Variants in RABGEF1 observed in about 807,000 individuals in gnomAD.
RABGEF1 encodes rab5 GDP/GTP exchange factor.
Under a neutral mutation model 57.3 loss-of-function variants are expected in RABGEF1, and 26 were observed. The observed-to-expected ratio is 0.45, with a 90% CI of 0.33 to 0.63. RABGEF1 has a LOEUF of 0.63. Ranked by LOEUF, RABGEF1 falls within the 20% of genes least tolerant of loss-of-function variation. The pLI is 0.02. For synonymous variants in RABGEF1, 185 were observed against 210.7 expected, an observed-to-expected ratio of 0.88 and a Z score of 1.06; for missense variants, 464 against 607.6, an observed-to-expected ratio of 0.76 and a Z score of 2.48.
At chr7:66,736,106 C>T (rs76865022), upstream of RABGEF1, among the ~76,000 whole-genome samples, 1,901 of 152,138 alleles carry the variant, frequency 0.012, 38 homozygotes, top group African/African-American at 0.042. Context: ...TGGAAAAAAA[C>T]AAGACAAAAA....
At chr7:66,713,371 G>A (rs1395777517) in intron 2 of RABGEF1, among the ~76,000 whole-genome samples, 2 of 151,524 alleles carry the variant, frequency 1.3e-5, no homozygotes, top group Non-Finnish European at 2.9e-5. Context: ...CTCGTGATCG[G>A]CCCGCCTTGG....
At chr7:66,766,118 A>G (rs1489143070) in intron 1 of RABGEF1, among the ~76,000 whole-genome samples, 12 of 152,142 alleles carry the variant, frequency 7.9e-5, no homozygotes, top group Non-Finnish European at 1.5e-4. Flanking sequence ...GTATAGGCTT[A>G]CTTGAGCTCA....
intron 4 of RABGEF1, among the ~76,000 whole-genome samples, chr7:66,786,174 G>A (rs1177429187): frequency 6.6e-6 from 1 of 152,070 alleles, no homozygotes; most frequent in Non-Finnish European, 1.5e-5. Flanking sequence ...ATATGCCGGT[G>A]GTGAGCAGCC....
At chr7:66,687,634 T>A (rs1790888451) in intron 1 of RABGEF1, among the ~76,000 whole-genome samples, 1 of 152,012 alleles carries the variant, frequency 6.6e-6, no homozygotes, top group Non-Finnish European at 1.5e-5. Flanking sequence ...ATTAAATGAA[T>A]AGGTGGATGA....
chr7:66,670,609 C>T, the RABGEF1 span, among the ~76,000 whole-genome samples: 1 of 151,886 alleles, frequency 6.6e-6, no homozygotes, highest in Non-Finnish European at 1.5e-5. Flanking sequence ...CTTTGGGAGG[C>T]CAAGGCGGGT....
intron 1 of RABGEF1, among the ~76,000 whole-genome samples, chr7:66,694,366 C>T (rs761128325): frequency 6.6e-6 from 1 of 152,104 alleles, no homozygotes; most frequent in African/African-American, 2.4e-5. Flanking sequence ...CAGTGATGGT[C>T]GGGAGAAGAT....
intron 3 of RABGEF1, among the ~76,000 whole-genome samples, chr7:66,781,664 C>T (rs1399551463): frequency 2.0e-5 from 3 of 152,192 alleles, no homozygotes; most frequent in East Asian, 1.9e-4. Flanking sequence ...TACACATGTG[C>T]GGTAGTCAGC....
intron 1 of RABGEF1, among the ~76,000 whole-genome samples, chr7:66,765,194 G>A (rs1286938470): frequency 6.6e-6 from 1 of 150,846 alleles, no homozygotes; most frequent in Non-Finnish European, 1.5e-5. Flanking sequence ...TATAGGAAAG[G>A]GAGTTTCAGA....
rs115418352 is a variant in RABGEF1, at chr7:66,714,019, G to T, written c.-815+1795G>T. 7.3e-3 allele frequency among the ~76,000 whole-genome samples: 1,110 copies of T among 152,264 alleles called. 15 individuals are homozygous for T. The highest frequency in any genetic ancestry group is 0.024 in the African/African-American group (983 of 41,552). ...ATGTTCATAGAGACTATTGGTCTGT[G>T]TAGACTTCTGTTTTTGTACTACCAT... On this transcript the variant is annotated intron_variant and NMD_transcript_variant, in intron 2 of 9. Transcript: ENST00000607882.
intron 2 of RABGEF1, among the ~76,000 whole-genome samples, chr7:66,723,442 A>G (rs1247992163): frequency 1.3e-5 from 2 of 152,248 alleles, no homozygotes; most frequent in African/African-American, 4.8e-5. Context: ...GAATAATATA[A>G]GAACTTTACA....
chr7:66,699,073 T>A (rs1416346922), intron 1 of RABGEF1, among the ~76,000 whole-genome samples: 2 of 152,142 alleles, frequency 1.3e-5, no homozygotes, highest in Non-Finnish European at 2.9e-5. Flanking sequence ...GGGAGATATC[T>A]GGCTGGCCTT....
chr7:66,730,050 T>A (rs1275320789), intron 2 of RABGEF1, among the ~76,000 whole-genome samples: 1 of 152,262 alleles, frequency 6.6e-6, no homozygotes, highest in Non-Finnish European at 1.5e-5. Flanking sequence ...GTGTTTCAGC[T>A]GTGCCATAGA....
the RABGEF1 span, among the ~76,000 whole-genome samples, chr7:66,672,447 A>C: frequency 6.6e-6 from 1 of 152,156 alleles, no homozygotes; most frequent in Non-Finnish European, 1.5e-5. Context: ...AACAAACAAA[A>C]AAACAAAACA....
chr7:66,730,307 G>C (rs755081204), intron 2 of RABGEF1, among the ~76,000 whole-genome samples: 14 of 152,170 alleles, frequency 9.2e-5, no homozygotes, highest in Non-Finnish European at 1.5e-4. Flanking sequence ...TGTTTCTGCT[G>C]AGCGCCAGCT....
At chr7:66,777,791 A>G (rs1361453392) in intron 3 of RABGEF1, among the ~76,000 whole-genome samples, 1 of 152,152 alleles carries the variant, frequency 6.6e-6, no homozygotes, top group Non-Finnish European at 1.5e-5. Flanking sequence ...AGACACCAAC[A>G]TTAAAAAAAT....
intron 3 of RABGEF1, among the ~76,000 whole-genome samples, chr7:66,777,104 A>C (rs947294555): frequency 2.0e-5 from 3 of 152,234 alleles, no homozygotes; most frequent in African/African-American, 7.2e-5. Flanking sequence ...TTAAAATGCA[A>C]GTTATTCTTC....
intron 1 of RABGEF1, among the ~76,000 whole-genome samples, chr7:66,691,551 A>AT (rs1250238318): frequency 6.6e-6 from 1 of 152,154 alleles, no homozygotes; most frequent in African/African-American, 2.4e-5. Context: ...TTGACTTGGG[A>AT]TTTTTTCAAC....
In RABGEF1 at chr7:66,783,123, C is replaced by CTTTGGA. The variant is rs1237022888; in HGVS notation, c.347-550_347-545dup. ...TGTTGTGTTTATCATGCTATTAATA[C>CTTTGGA]TTTGGATGCGTTCTTTCACTTTGAT... is the stretch of plus-strand genomic sequence containing the variant. On this transcript the variant is annotated intron_variant, in intron 3 of 8. Transcript: ENST00000284957. Among the ~76,000 whole-genome samples, 13 of 152,324 alleles carry CTTTGGA rather than the reference C, an allele frequency of 8.5e-5. No individual in the cohort carries two copies. The East Asian group carries it at 2.5e-3, about 29-fold the overall frequency.
intron 2 of RABGEF1, among the ~76,000 whole-genome samples, chr7:66,729,572 T>G (rs1289196319): frequency 6.6e-6 from 1 of 152,006 alleles, no homozygotes; most frequent in Non-Finnish European, 1.5e-5. Flanking sequence ...ACTTCTGCCT[T>G]CACTTCCATC....
Sources: gnomAD v4.1 joint callset for allele counts (sites outside exome capture counted in the v4.1 genomes callset) on GRCh38, gnomAD v4.1.1 for gene constraint, MANE v1.5 for transcripts, NCBI Gene and HGNC (gene_info 2026-07-23, HGNC 2026-07-21) for gene names.